CUX2: variants seen among roughly 807,000 people sequenced by gnomAD.
CUX2 encodes homeobox protein cut-like 2.
In CUX2, 40 loss-of-function variants were observed where a neutral mutation model predicts 144.8. That is an observed-to-expected ratio of 0.28 (90% CI 0.21 to 0.36). The LOEUF is 0.36. Among genes scored for constraint, CUX2 ranks in the 10% least tolerant of loss-of-function variants. The pLI, the probability that CUX2 is intolerant of heterozygous loss-of-function variation, is 1.00. For missense variants in CUX2, 1,615 were observed against 1,994.0 expected, an observed-to-expected ratio of 0.81 and a Z score of 3.62; for synonymous variants, 827 against 875.6, an observed-to-expected ratio of 0.94 and a Z score of 0.98.
In CUX2 at chr12:111,320,386, C is replaced by T. The variant is rs773164638; in HGVS notation, c.2377C>T (p.Arg793Cys). ...GYFDHHWASDRGLLSRPYASV... is the reference protein window; with the variant it reads ...GYFDHHWASDCGLLSRPYASV... The stretch of plus-strand genomic sequence containing the variant: ...CTTCGACCACCACTGGGCCTCCGAC[C>T]GCGGCCTGCTCAGCCGCCCCTACGC... The change falls in exon 17 of 22, where the codon CGC becomes TGC. Residue 793 changes from arginine to cysteine, a missense_variant. Around this residue, in one of 12 missense-constraint regions of CUX2, gnomAD observed 390 missense variants for 387.1 expected, o/e 1.01. Transcript: ENST00000261726. The surrounding 1 kb of genome is among the most constrained non-coding windows in gnomAD (Gnocchi z 8.1). 1.3e-6 allele frequency: 2 copies of T among 1,598,012 alleles called. No individual in the cohort carries two copies. The highest frequency in any genetic ancestry group is 1.7e-6 in the Non-Finnish European group (2 of 1,179,124).
rs1385118585 is a variant in CUX2, at chr12:111,334,299, G to A, written c.2927-142G>A. On this transcript the variant is annotated intron_variant, in intron 18 of 21. Transcript: ENST00000261726. ...ATCCACTAGTTTTAGCATCCAGGGT[G>A]GTCCCTACCTGAGCGATTATTACTA... 3.9e-6 allele frequency: 3 copies of A among 762,372 alleles called. No individual in the cohort carries two copies. In the African/African-American group the frequency reaches 5.3e-5, roughly 13 times the overall value. 47.2% of individuals were successfully genotyped at this position (762,372 alleles called of 1,614,324 possible).
chr12:111,188,580 G>A (rs1879693041), intron 1 of CUX2, among the ~76,000 whole-genome samples: 1 of 152,132 alleles, frequency 6.6e-6, no homozygotes, highest in Non-Finnish European at 1.5e-5. Flanking sequence ...CAGGTGCAAA[G>A]GTCCTGAGGT....
At chr12:111,328,974 T>TCTCC (rs1435391998) in intron 18 of CUX2, among the ~76,000 whole-genome samples, 35 of 65,352 alleles carry the variant, frequency 5.4e-4, no homozygotes, top group South Asian at 3.1e-3. Context: ...TCTCTCTCTC[T>TCTCC]CCCCCTCTCT....
At position 111,293,047 on chromosome 12, in the gene CUX2, C is replaced by T. The variant is rs1475803923; in HGVS notation, c.437-399C>T. On this transcript the variant is annotated intron_variant, in intron 5 of 21. Transcript: ENST00000261726. The surrounding 1 kb of genome is among the most constrained non-coding windows in gnomAD (Gnocchi z 4.5). ...CTGAGGCGGGAGAATCGCTTGAACC[C>T]AGGAGGCAGAGGTTGCAGTAAGCTG... is the stretch of plus-strand genomic sequence containing the variant. 6.6e-6 allele frequency among the ~76,000 whole-genome samples: 1 copy of T among 151,910 alleles called. No homozygotes were observed. The highest frequency in any genetic ancestry group is 1.5e-5 in the Non-Finnish European group (1 of 68,024).
At chr12:111,291,725 A>G (rs1000255394) in intron 5 of CUX2, among the ~76,000 whole-genome samples, 173 bp downstream of exon 5, 2 of 152,152 alleles carry the variant, frequency 1.3e-5, no homozygotes, top group Admixed American at 6.5e-5. Context: ...CTGGAAATGC[A>G]GTTAGGAGTA....
chr12:111,075,334 G>A (rs1398582750), intron 1 of CUX2, among the ~76,000 whole-genome samples: 1 of 152,200 alleles, frequency 6.6e-6, no homozygotes, highest in Non-Finnish European at 1.5e-5. Flanking sequence ...GCTTTGAGGA[G>A]AGGTCAGAGG....
At chr12:111,092,931 T>G (rs1298544467) in intron 1 of CUX2, among the ~76,000 whole-genome samples, 2 of 147,744 alleles carry the variant, frequency 1.4e-5, no homozygotes, top group African/African-American at 5.0e-5. Flanking sequence ...CCTCCCCACC[T>G]CATCCTCCCG....
In CUX2 at chr12:111,061,169, C is replaced by T. The variant is rs1870754792; in HGVS notation, c.63+26929C>T. 7.6e-6 allele frequency among the ~76,000 whole-genome samples: 1 copy of T among 132,346 alleles called. No homozygotes were observed. The highest frequency in any genetic ancestry group is 3.0e-5 in the African/African-American group (1 of 33,848). The allele number at this position is 132,346 out of a possible 152,430, so 86.8% of individuals were successfully genotyped here. A position where few individuals can be genotyped will look rare whatever the true frequency, so the allele number is the denominator to read the frequency against. ...GGCCCAAGCTGTCCCCAGATGTGTG[C>T]ATGCATATGCACACACACACACACA... On this transcript the variant is annotated intron_variant, in intron 1 of 21. Transcript: ENST00000261726. The surrounding 1 kb of genome is among the most constrained non-coding windows in gnomAD (Gnocchi z 4.2).
intron 1 of CUX2, among the ~76,000 whole-genome samples, chr12:111,056,913 T>A (rs1314136813): frequency 6.6e-6 from 1 of 152,026 alleles, no homozygotes; most frequent in African/African-American, 2.4e-5. Context: ...CAGGAGGTTG[T>A]GTGAGGTGAG....
In CUX2 at chr12:111,233,071, A is replaced by G. The variant is rs184305253; in HGVS notation, c.222+15134A>G. ...GCAAGAGTAGGGACATTCTAGTCAC[A>G]GGAAGAGAGGAACGGCATGCCAGGT... On this transcript the variant is annotated intron_variant, in intron 3 of 21. Coordinates refer to ENST00000261726, the MANE Select transcript of CUX2 (RefSeq NM_015267.4). 2.0e-5 allele frequency among the ~76,000 whole-genome samples: 3 copies of G among 152,322 alleles called. No individual in the cohort carries two copies. The East Asian group carries it at 5.8e-4, about 29-fold the overall frequency.
rs976600166 is a variant in CUX2 at position 111,246,052 on chromosome 12, C to T, written c.223-17709C>T. On this transcript the variant is annotated intron_variant, in intron 3 of 21. Transcript: ENST00000261726. This position sits in a 1 kb window ranked among gnomAD's most constrained non-coding sequence, Gnocchi z 4.0. Reference sequence around the variant, plus strand: ...TCATTTCAGGAGCTGAGAGCACAAACTTCAGGGCCAAGCTGCTCTGTCTCC... The same window carrying T: ...TCATTTCAGGAGCTGAGAGCACAAATTTCAGGGCCAAGCTGCTCTGTCTCC... Among the ~76,000 whole-genome samples the T allele has an allele frequency of 1.7e-4, 26 of 152,280 alleles. No homozygotes were observed. Among genetic ancestry groups the T allele is most frequent in the African/African-American group, 6.3e-4 (26 of 41,560 alleles).
chr12:111,094,189 T>G (rs1872692217), intron 1 of CUX2, among the ~76,000 whole-genome samples: 1 of 152,122 alleles, frequency 6.6e-6, no homozygotes. Flanking sequence ...GAAAACGAGG[T>G]ATTTGAAGCT....
At position 111,277,116 on chromosome 12, in the gene CUX2, C is replaced by T. The variant is rs1884916687; in HGVS notation, c.301+13277C>T. On this transcript the variant is annotated intron_variant, in intron 4 of 21. Transcript: ENST00000261726. The surrounding 1 kb of genome is among the most constrained non-coding windows in gnomAD (Gnocchi z 5.0). ...CTTGTGGATGTGGGGGCCCCATCTGCCCCAGGATGAATGGTTGCTGGAGTT... is the reference window on the plus strand; with the variant it reads ...CTTGTGGATGTGGGGGCCCCATCTGTCCCAGGATGAATGGTTGCTGGAGTT... Among the ~76,000 whole-genome samples, 1 of 152,114 alleles carries T rather than the reference C, an allele frequency of 6.6e-6. No homozygotes were observed. Among genetic ancestry groups the T allele is most frequent in the Non-Finnish European group, 1.5e-5 (1 of 68,012 alleles).
At chr12:111,272,627 G>C (rs1470933906) in intron 4 of CUX2, among the ~76,000 whole-genome samples, 1 of 152,114 alleles carries the variant, frequency 6.6e-6, no homozygotes, top group Non-Finnish European at 1.5e-5. Context: ...ACTACACCCA[G>C]CTAATTTTGT....
At chr12:111,150,783 C>T (rs1405827265) in intron 1 of CUX2, among the ~76,000 whole-genome samples, 1 of 151,930 alleles carries the variant, frequency 6.6e-6, no homozygotes. Flanking sequence ...TGTGTGGAGG[C>T]CAGGGAGGAA....
intron 1 of CUX2, among the ~76,000 whole-genome samples, chr12:111,036,854 C>T (rs919404712): frequency 9.2e-5 from 14 of 151,804 alleles, no homozygotes; most frequent in Admixed American, 9.2e-4. Flanking sequence ...CCACCCCCAG[C>T]CTGAAATCTT....
intron 3 of CUX2, among the ~76,000 whole-genome samples, chr12:111,258,507 C>A (rs1883947887): frequency 7.3e-6 from 1 of 137,382 alleles, no homozygotes; most frequent in African/African-American, 2.7e-5. Flanking sequence ...AGCAAGACTC[C>A]ATCTCAAAAA....
At chr12:111,339,427 C>A (rs1888491462) in intron 20 of CUX2, 1 of 152,168 alleles carries the variant, frequency 6.6e-6, no homozygotes, top group South Asian at 2.1e-4. Context: ...TTCTACATAA[C>A]AAAGGACAGG....
chr12:111,170,385 T>C (rs1176515500), intron 1 of CUX2, among the ~76,000 whole-genome samples: 1 of 149,502 alleles, frequency 6.7e-6, no homozygotes, highest in Non-Finnish European at 1.5e-5. Context: ...GCCAAGATCA[T>C]GCCATTGCAC....
Sources: allele counts gnomAD v4.1 joint callset (sites outside exome capture counted in the v4.1 genomes callset), GRCh38; gene constraint gnomAD v4.1.1; regional missense constraint gnomAD v4.1.1; non-coding constraint Gnocchi (gnomAD v3.1); transcripts MANE v1.5; gene names NCBI Gene and HGNC (gene_info 2026-07-23, HGNC 2026-07-21).